ENDOD1: variants seen among roughly 807,000 people sequenced by gnomAD.
ENDOD1 encodes the protein endonuclease domain containing 1.
ENDOD1 carries 9 observed loss-of-function variants against 6.5 expected under a neutral mutation model. The observed-to-expected ratio is 1.39, with a 90% CI of 0.84 to 2.43. The LOEUF (loss-of-function observed/expected upper bound fraction) is 2.43. Ranked by LOEUF, ENDOD1 falls within the 30% of genes most tolerant of loss-of-function variation. ENDOD1 has a pLI of 0.00. For synonymous variants in ENDOD1, 255 were observed against 255.2 expected (o/e 1.00, Z 0.01); for missense variants, 648 against 635.5 (o/e 1.02, Z -0.21).
rs564355574 is a variant in ENDOD1, at chr11:95,095,533, C to T, written c.300+5306C>T. Among the ~76,000 whole-genome samples, 7 of 152,366 alleles carry T rather than the reference C, an allele frequency of 4.6e-5. No individual in the cohort carries two copies. The East Asian group carries it at 9.6e-4, about 21-fold the overall frequency. ...AGGATCAAGTTAAGGTATTTACCTGCGTTGGCAGAATATTTCAGGGACATC... is the reference window on the plus strand; with the variant it reads ...AGGATCAAGTTAAGGTATTTACCTGTGTTGGCAGAATATTTCAGGGACATC... On this transcript the variant is annotated intron_variant, in intron 1 of 1. Transcript: ENST00000278505.
At chr11:95,101,936 T>C (rs1276816071) in intron 1 of ENDOD1, among the ~76,000 whole-genome samples, 1 of 135,040 alleles carries the variant, frequency 7.4e-6, no homozygotes, top group Non-Finnish European at 1.7e-5. Context: ...TTTCTTTAAT[T>C]TTTTTTCTTC....
In ENDOD1 at chr11:95,128,899, GAC is replaced by G; in HGVS notation, c.827_828del (p.Thr276ArgfsTer11). On this transcript the variant is annotated frameshift_variant, in exon 2 of 2. Transcript: ENST00000278505. LOFTEE classifies it low-confidence loss of function (END_TRUNC). ...FQNNCGETEQ[D>X]TEKMKKILEV... Reference sequence around the variant, plus strand: ...GAACAACTGTGGTGAAACTGAGCAAGACACAGAGAAAATGAAAAAAATCCTGG... The same window carrying G: ...GAACAACTGTGGTGAAACTGAGCAAGACAGAGAAAATGAAAAAAATCCTGG... 1 of 1,614,112 alleles carries G rather than the reference GAC, an allele frequency of 6.2e-7. No homozygotes were observed. The highest frequency in any genetic ancestry group is 8.5e-7 in the Non-Finnish European group (1 of 1,180,038).
At chr11:95,096,436 C>T (rs1424665238) in intron 1 of ENDOD1, among the ~76,000 whole-genome samples, 2 of 151,784 alleles carry the variant, frequency 1.3e-5, no homozygotes, top group African/African-American at 2.4e-5. Flanking sequence ...ATAGAAGCAC[C>T]GTTTAATATT....
intron 1 of ENDOD1, among the ~76,000 whole-genome samples, chr11:95,114,328 C>T (rs1859181488): frequency 6.8e-6 from 1 of 147,750 alleles, no homozygotes; most frequent in South Asian, 2.1e-4. Context: ...AGGCTGATTG[C>T]CCATTTTTAA....
At chr11:95,119,475 CAG>C (rs2134172278) in intron 1 of ENDOD1, among the ~76,000 whole-genome samples, 1 of 152,348 alleles carries the variant, frequency 6.6e-6, no homozygotes, top group East Asian at 1.9e-4. Flanking sequence ...GGTTACCAGG[CAG>C]AGTCTTTTGT....
chr11:95,101,778 A>G (rs1555110899), intron 1 of ENDOD1, among the ~76,000 whole-genome samples: 1 of 152,232 alleles, frequency 6.6e-6, no homozygotes, highest in African/African-American at 2.4e-5. Context: ...AACAACCACC[A>G]TACCAATGGA....
chr11:95,117,565 A>G (rs1302717948), intron 1 of ENDOD1, among the ~76,000 whole-genome samples: 1 of 152,178 alleles, frequency 6.6e-6, no homozygotes, highest in Non-Finnish European at 1.5e-5. Flanking sequence ...GTGTTGTCTG[A>G]TATAAGCATA....
At chr11:95,101,373 A>G (rs115106620) in intron 1 of ENDOD1, among the ~76,000 whole-genome samples, 111 of 152,264 alleles carry the variant, frequency 7.3e-4, no homozygotes, top group African/African-American at 2.6e-3. Context: ...GCACTTGGCA[A>G]ATATGGATTG....
At chr11:95,112,258 C>T (rs1555112016) in intron 1 of ENDOD1, among the ~76,000 whole-genome samples, 2 of 152,248 alleles carry the variant, frequency 1.3e-5, no homozygotes, top group African/African-American at 4.8e-5. Context: ...TCCTCCTGTT[C>T]TCTCACAGTG....
chr11:95,113,274 A>T (rs1033601044), intron 1 of ENDOD1, among the ~76,000 whole-genome samples: 1 of 152,178 alleles, frequency 6.6e-6, no homozygotes, highest in Non-Finnish European at 1.5e-5. Flanking sequence ...ATTTTAAATT[A>T]TACAGTTAAA....
At chr11:95,090,362 C>G in intron 1 of ENDOD1, 135 bp downstream of exon 1, 1 of 1,224,452 alleles carries the variant, frequency 8.2e-7, no homozygotes. Flanking sequence ...GGCCAAGAAA[C>G]CCGGGTTCCA....
chr11:95,107,602 A>G (rs1859102258), intron 1 of ENDOD1, among the ~76,000 whole-genome samples: 2 of 152,174 alleles, frequency 1.3e-5, no homozygotes, highest in South Asian at 2.1e-4. Context: ...AAAGAAGACC[A>G]GGGCTGATGT....
At chr11:95,127,053 G>A (rs55968897) in intron 1 of ENDOD1, among the ~76,000 whole-genome samples, 1,764 of 152,196 alleles carry the variant, frequency 0.012, 20 homozygotes, top group Non-Finnish European at 0.02. Flanking sequence ...ACCTTTCCCT[G>A]TTTTTTAAAA....
At chr11:95,090,399 T>TC (rs1555109757) in intron 1 of ENDOD1, among the ~76,000 whole-genome samples, 172 bp downstream of exon 1, 6 of 56,480 alleles carry the variant, frequency 1.1e-4, no homozygotes, top group African/African-American at 3.8e-4. Context: ...TCCCCGGAGT[T>TC]AGCCTGCCTC....
At chr11:95,114,767 A>G (rs1859188861) in intron 1 of ENDOD1, among the ~76,000 whole-genome samples, 1 of 152,152 alleles carries the variant, frequency 6.6e-6, no homozygotes, top group African/African-American at 2.4e-5. Context: ...TCCCCAGTGT[A>G]TGTTCTTGGC....
chr11:95,121,309 C>T (rs983362683), intron 1 of ENDOD1, among the ~76,000 whole-genome samples: 1 of 152,168 alleles, frequency 6.6e-6, no homozygotes, highest in Non-Finnish European at 1.5e-5. Flanking sequence ...AGTTTCCTCA[C>T]CTGTCTTGTA....
rs892763592 is a variant in ENDOD1 at position 95,090,184 on chromosome 11, C to T, written c.257C>T (p.Pro86Leu). 8 of 1,423,338 alleles carry T rather than the reference C, an allele frequency of 5.6e-6. No homozygotes were observed. In the Admixed American group the frequency reaches 1.2e-4, roughly 22 times the overall value. The allele number at this position is 1,423,338 out of a possible 1,614,324, so 88.2% of individuals were successfully genotyped here. A position where few individuals can be genotyped will look rare whatever the true frequency, so the allele number is the denominator to read the frequency against. ...TACTCCGCGTTCCGCGCCCCGCGCC[C>T]TGCGCCCGGCGGCGCCGAGCAGCGA... The part of the protein sequence containing the change: ...PVYSAFRAPR[P>L]APGGAEQRWL... The change falls in exon 1 of 2, where the codon CCT (proline) becomes CTT (leucine). Residue 86 changes from proline (P) to leucine (L), a missense_variant. Pro to Leu is a moderately conservative substitution (Grantham distance 98). Coordinates refer to ENST00000278505, the MANE Select transcript of ENDOD1 (RefSeq NM_015036.3).
chr11:95,117,786 C>T (rs557695261), intron 1 of ENDOD1, among the ~76,000 whole-genome samples: 31 of 152,136 alleles, frequency 2.0e-4, no homozygotes, highest in African/African-American at 7.5e-4. Context: ...TAAGGACTTA[C>T]CCCTGCCATT....
At chr11:95,113,288 T>C (rs1859168197) in intron 1 of ENDOD1, among the ~76,000 whole-genome samples, 1 of 152,172 alleles carries the variant, frequency 6.6e-6, no homozygotes, top group Non-Finnish European at 1.5e-5. Context: ...AGTTAAAGCG[T>C]TATTGACTAT....
Sources: allele counts gnomAD v4.1 joint callset (sites outside exome capture counted in the v4.1 genomes callset), GRCh38; gene constraint gnomAD v4.1.1; transcripts MANE v1.5; gene names NCBI Gene and HGNC (gene_info 2026-07-23, HGNC 2026-07-21).